PRR5L: variants seen among roughly 807,000 people sequenced by gnomAD.
PRR5L encodes proline rich 5 like, also known as proline-rich protein 5-like.
Under a neutral mutation model 36.4 loss-of-function variants are expected in PRR5L, and 21 were observed. That is an observed-to-expected ratio of 0.58 (90% confidence interval 0.41 to 0.83). The LOEUF (loss-of-function observed/expected upper bound fraction) is 0.83, where lower values mean the gene tolerates loss of function less well. Ranked by LOEUF, PRR5L falls within the 40% of genes least tolerant of loss-of-function variation. PRR5L has a pLI of 0.00. For missense variants in PRR5L, 381 were observed against 473.3 expected (o/e 0.80, Z 1.81); for synonymous variants, 188 against 197.0 (o/e 0.95, Z 0.38).
intron 1 of PRR5L, among the ~76,000 whole-genome samples, chr11:36,378,046 AC>A (rs1316985463): frequency 1.3e-5 from 2 of 151,800 alleles, no homozygotes; most frequent in Non-Finnish European, 2.9e-5. Flanking sequence ...ACCCTTTTTG[AC>A]CTCTCTTTGG....
At chr11:36,384,606 T>C (rs1316648582) in intron 1 of PRR5L, among the ~76,000 whole-genome samples, 1 of 152,170 alleles carries the variant, frequency 6.6e-6, no homozygotes, top group Admixed American at 6.5e-5. Context: ...CTATACTACC[T>C]GAGAAGAAAT....
chr11:36,431,800 A>G, intron 4 of PRR5L, 53 bp from the exon 5 acceptor site: 1 of 1,539,956 alleles, frequency 6.5e-7, no homozygotes, highest in Non-Finnish European at 9.0e-7. Context: ...AGGGTTCATC[A>G]CTTACGCTCT....
chr11:36,381,157 T>C (rs955766190), intron 1 of PRR5L, among the ~76,000 whole-genome samples: 1 of 152,222 alleles, frequency 6.6e-6, no homozygotes, highest in Non-Finnish European at 1.5e-5. Flanking sequence ...CTGGTTTCAC[T>C]TTAGCTGGTT....
At chr11:36,419,540 C>T (rs1858218646) in intron 4 of PRR5L, among the ~76,000 whole-genome samples, 2 of 152,322 alleles carry the variant, frequency 1.3e-5, no homozygotes, top group South Asian at 4.1e-4. Flanking sequence ...GACCCCTTTA[C>T]ACTCGTAAAA....
At chr11:36,322,627 C>T (rs1856623500) in intron 1 of PRR5L, among the ~76,000 whole-genome samples, 1 of 152,156 alleles carries the variant, frequency 6.6e-6, no homozygotes, top group Admixed American at 6.5e-5. Context: ...ACTAAACAAA[C>T]TATAGTACTG....
At chr11:36,366,456 A>G (rs1187068232) in intron 1 of PRR5L, among the ~76,000 whole-genome samples, 2 of 152,180 alleles carry the variant, frequency 1.3e-5, no homozygotes, top group African/African-American at 4.8e-5. Flanking sequence ...AGAGGGAGGC[A>G]TATGCCATAC....
intron 4 of PRR5L, among the ~76,000 whole-genome samples, chr11:36,425,139 G>A (rs1858354339): frequency 6.6e-6 from 1 of 152,178 alleles, no homozygotes; most frequent in African/African-American, 2.4e-5. Flanking sequence ...GCGTTTTGAT[G>A]AGTCCTGCAT....
rs1856969291 is a variant in PRR5L at position 36,351,650 on chromosome 11, TTTATATAAATATATATTTATATAC to T, written c.-125-49339_-125-49316del. On this transcript the variant is annotated intron_variant, in intron 1 of 8. Transcript: ENST00000530639. ...ATTTATATAAATATATATTTATATA[TTTATATAAATATATATTTATATAC>T]TTATATATTTATATATTTATATATT... Among the ~76,000 whole-genome samples, 3 of 12,874 alleles carry T rather than the reference TTTATATAAATATATATTTATATAC, an allele frequency of 2.3e-4. 1 individual carries two copies. Among genetic ancestry groups the T allele is most frequent in the Non-Finnish European group, 3.7e-4 (3 of 8,140 alleles). 8.4% of individuals were successfully genotyped at this position (12,874 alleles called of 152,430 possible). A position where few individuals can be genotyped will look rare whatever the true frequency, so the allele number is the denominator to read the frequency against.
At chr11:36,460,375 C>T (rs557496932) in intron 8 of PRR5L, among the ~76,000 whole-genome samples, 2 of 152,102 alleles carry the variant, frequency 1.3e-5, no homozygotes, top group Non-Finnish European at 2.9e-5. Flanking sequence ...TCCTCTGCAT[C>T]CTCCCCATCC....
At chr11:36,301,024 C>T (rs1055742861) in intron 1 of PRR5L, 2 of 152,254 alleles carry the variant, frequency 1.3e-5, no homozygotes, top group Admixed American at 6.5e-5. Flanking sequence ...ATTGAATGGG[C>T]CCTGGGAAAA....
At position 36,377,673 on chromosome 11, in the gene PRR5L, C is replaced by G. The variant is rs1857297915; in HGVS notation, c.-125-23324C>G. The G allele has an allele frequency of 6.6e-6, 1 of 152,556 alleles. No individual in the cohort carries two copies. The highest frequency in any genetic ancestry group is 1.5e-5 in the Non-Finnish European group (1 of 68,296). 9.5% of individuals were successfully genotyped at this position (152,556 alleles called of 1,614,324 possible). A position where few individuals can be genotyped will look rare whatever the true frequency, so the allele number is the denominator to read the frequency against. On this transcript the variant is annotated intron_variant, in intron 1 of 8. Coordinates refer to ENST00000530639, the MANE Select transcript of PRR5L (RefSeq NM_001160167.2). The surrounding 1 kb of genome is among the most constrained non-coding windows in gnomAD (Gnocchi z 5.1). ...GTCCTCGGTCACATGCTGCCGCCGC[C>G]TCTTCCCCCGCGGTGCCGGGAGCCC... is the stretch of plus-strand genomic sequence containing the variant.
At chr11:36,411,359 C>T (rs563213052) in intron 3 of PRR5L, among the ~76,000 whole-genome samples, 25 of 152,278 alleles carry the variant, frequency 1.6e-4, no homozygotes, top group African/African-American at 6.0e-4. Flanking sequence ...GATCGCAGGT[C>T]TGTGTAATAA....
At chr11:36,384,746 C>T (rs553639447) in intron 1 of PRR5L, among the ~76,000 whole-genome samples, 1 of 151,984 alleles carries the variant, frequency 6.6e-6, no homozygotes, top group African/African-American at 2.4e-5. Flanking sequence ...GATTGTAGCT[C>T]ACTGCAGCCT....
At chr11:36,402,801 A>G (rs1009911392) in intron 2 of PRR5L, among the ~76,000 whole-genome samples, 1 of 152,236 alleles carries the variant, frequency 6.6e-6, no homozygotes, top group African/African-American at 2.4e-5. Context: ...ACGAGTGGAC[A>G]TGTGAGGAGC....
chr11:36,455,095 G>A (rs1859025535), intron 8 of PRR5L, among the ~76,000 whole-genome samples: 1 of 152,170 alleles, frequency 6.6e-6, no homozygotes, highest in Admixed American at 6.5e-5. Context: ...GCCTCCCACA[G>A]GCCTCCCTCC....
At position 36,403,370 on chromosome 11, in the gene PRR5L, A is replaced by G. The variant is rs150243445; in HGVS notation, c.237A>G (p.Glu79=). Residue 79 remains glutamate, a synonymous_variant, in exon 3 of 9, where the codon GAA becomes GAG. Coordinates refer to ENST00000530639, the MANE Select transcript of PRR5L (RefSeq NM_001160167.2). ...GCAACGAGCTCTATGCCCTGAACGA[A>G]AACATCAGGTATGTGGCAGGCCAGA... is the stretch of plus-strand genomic sequence containing the variant. The part of the protein sequence containing the change: ...LQSNELYALN[E]NIRRLLKSEL... 494 of 1,613,928 alleles carry G rather than the reference A, an allele frequency of 3.1e-4. 2 individuals are homozygous for G. In the African/African-American group the frequency reaches 5.1e-3, roughly 17 times the overall value.
At chr11:36,393,878 A>G (rs532157995) in intron 1 of PRR5L, 18 of 152,334 alleles carry the variant, frequency 1.2e-4, no homozygotes, top group African/African-American at 3.6e-4. Flanking sequence ...AGAAACATCA[A>G]GGGCATGAGT....
intron 1 of PRR5L, among the ~76,000 whole-genome samples, chr11:36,345,998 G>GT (rs1365781735): frequency 6.6e-6 from 1 of 152,172 alleles, no homozygotes; most frequent in African/African-American, 2.4e-5. Flanking sequence ...GATTAGGGCT[G>GT]TATTTCTCTT....
chr11:36,363,504 C>A (rs1382823157), intron 1 of PRR5L, among the ~76,000 whole-genome samples: 3 of 152,172 alleles, frequency 2.0e-5, no homozygotes, highest in Non-Finnish European at 4.4e-5. Context: ...AGCTCTTTTG[C>A]CCCTTCTGAT....
Sources: gnomAD v4.1 joint callset for allele counts (sites outside exome capture counted in the v4.1 genomes callset) on GRCh38, gnomAD v4.1.1 for gene constraint, Gnocchi (gnomAD v3.1) non-coding constraint, MANE v1.5 for transcripts, NCBI Gene and HGNC (gene_info 2026-07-23, HGNC 2026-07-21) for gene names.